PRXL2A: variants seen among roughly 807,000 people sequenced by gnomAD.
PRXL2A encodes the protein peroxiredoxin like 2A.
Under a neutral mutation model 25.6 loss-of-function variants are expected in PRXL2A, and 26 were observed. That is an observed-to-expected ratio of 1.02 (90% CI 0.74 to 1.41). PRXL2A has a LOEUF of 1.41. Among genes scored for constraint, PRXL2A ranks in the 40% most tolerant of loss-of-function variants. The pLI is 0.00. For missense variants in PRXL2A, 246 were observed against 273.9 expected (o/e 0.90, Z 0.72); for synonymous variants, 98 against 102.9 (o/e 0.95, Z 0.29).
rs113996175 is a variant in PRXL2A, at chr10:80,418,470, G to A, written c.-2-1996G>A. On this transcript the variant is annotated intron_variant, in intron 1 of 5. Coordinates refer to ENST00000606162, the MANE Select transcript of PRXL2A (RefSeq NM_032333.5). ...CAACTCACTCCCACCCCCACCTCAT[G>A]CAGTGCACCCCTCACAGCCCCCACC... is the stretch of plus-strand genomic sequence containing the variant. Among the ~76,000 whole-genome samples the A allele has an allele frequency of 3.1e-3, 464 of 148,158 alleles. 3 individuals carry two copies. Among genetic ancestry groups the A allele is most frequent in the African/African-American group, 0.011 (438 of 39,916 alleles).
chr10:80,413,865 A>G (rs1192087784), intron 1 of PRXL2A: 7 of 1,235,406 alleles, frequency 5.7e-6, no homozygotes, highest in Admixed American at 2.6e-5. Flanking sequence ...AGAGGTGTGG[A>G]CGCTGTGTAT....
At chr10:80,427,206 G>A in intron 4 of PRXL2A, 126 bp from the exon 5 acceptor site, 2 of 704,150 alleles carry the variant, frequency 2.8e-6, no homozygotes, top group African/African-American at 1.8e-5. Context: ...GGGTGGGAGA[G>A]AAGACTGGAA....
chr10:80,423,927 A>G (rs998396670), intron 3 of PRXL2A, among the ~76,000 whole-genome samples: 3 of 152,160 alleles, frequency 2.0e-5, no homozygotes, highest in Non-Finnish European at 1.5e-5. Context: ...TCCAGCTGTT[A>G]GAGGCCACCT....
At chr10:80,426,636 A>C (rs137991095) in intron 4 of PRXL2A, among the ~76,000 whole-genome samples, 85 of 152,336 alleles carry the variant, frequency 5.6e-4, no homozygotes, top group African/African-American at 1.9e-3. Context: ...TTGGGGGCCT[A>C]GTACAAAGCC....
At chr10:80,411,367 CGGGCAGTCTT>C (rs1554851607) in intron 1 of PRXL2A, among the ~76,000 whole-genome samples, 1 of 152,250 alleles carries the variant, frequency 6.6e-6, no homozygotes, top group Non-Finnish European at 1.5e-5. Flanking sequence ...GCCCTGTTTA[CGGGCAGTCTT>C]GCTCTTAGCT....
chr10:80,420,104 A>G lies in PRXL2A; in HGVS notation c.-2-362A>G, dbSNP rs1011458195. ...GGCATTGATGAGGAGGGGAATGAGG[A>G]AGTAGTCTGCCTACAGGGGACATAG... is the stretch of plus-strand genomic sequence containing the variant. On this transcript the variant is annotated intron_variant, in intron 1 of 5. Transcript: ENST00000606162. 1.2e-5 allele frequency: 12 copies of G among 991,160 alleles called. No homozygotes were observed. In the African/African-American group the frequency reaches 1.9e-4, roughly 16 times the overall value. 61.4% of individuals were successfully genotyped at this position (991,160 alleles called of 1,614,324 possible).
chr10:80,422,576 A>G, intron 3 of PRXL2A, 68 bp downstream of exon 3: 1 of 1,268,408 alleles, frequency 7.9e-7, no homozygotes, highest in Non-Finnish European at 1.1e-6. Flanking sequence ...TTTTCCGGCC[A>G]GAACCAAGGG....
upstream of PRXL2A, among the ~76,000 whole-genome samples, chr10:80,408,169 TA>T (rs11460235): frequency 0.082 from 11,613 of 141,042 alleles, 607 homozygotes; most frequent in African/African-American, 0.16. Flanking sequence ...CCATGGAGGT[TA>T]AAAAAAAAAA....
chr10:80,409,814 T>C (rs540409804), intron 1 of PRXL2A, among the ~76,000 whole-genome samples: 1 of 152,366 alleles, frequency 6.6e-6, no homozygotes, highest in Admixed American at 6.5e-5. Context: ...GCACCTCCTA[T>C]ACATTTAATC....
chr10:80,408,054 G>A (rs565183705), upstream of PRXL2A: 2 of 152,412 alleles, frequency 1.3e-5, no homozygotes, highest in African/African-American at 2.4e-5. Context: ...TGGCATTGTG[G>A]AGTGAAAGGG....
At chr10:80,422,256 C>G (rs1433877913) in intron 2 of PRXL2A, among the ~76,000 whole-genome samples, 161 bp from the exon 3 acceptor site, 1 of 152,168 alleles carries the variant, frequency 6.6e-6, no homozygotes, top group African/African-American at 2.4e-5. Flanking sequence ...TTCTGTCTGT[C>G]TGTGTTTCCT....
chr10:80,426,980 T>C (rs1845061382), intron 4 of PRXL2A, among the ~76,000 whole-genome samples: 2 of 152,036 alleles, frequency 1.3e-5, no homozygotes, highest in African/African-American at 4.8e-5. Context: ...CTGTCTCTAC[T>C]AAAAATTCAA....
intron 5 of PRXL2A, among the ~76,000 whole-genome samples, 194 bp downstream of exon 5, chr10:80,427,690 C>T (rs1312099355): frequency 6.6e-6 from 1 of 152,188 alleles, no homozygotes; most frequent in Non-Finnish European, 1.5e-5. Context: ...GCTAGTACCT[C>T]ATACTTGAAT....
At chr10:80,428,358 G>A (rs1439601813) in intron 5 of PRXL2A, among the ~76,000 whole-genome samples, 2 of 152,158 alleles carry the variant, frequency 1.3e-5, no homozygotes, top group Non-Finnish European at 2.9e-5. Flanking sequence ...TAGCAGGGAT[G>A]GAGCAAAGTG....
chr10:80,430,194 C>T lies in PRXL2A; in HGVS notation c.577-1792C>T, dbSNP rs184360413. 1.8e-3 allele frequency among the ~76,000 whole-genome samples: 260 copies of T among 147,922 alleles called. 1 individual carries two copies. Among genetic ancestry groups the T allele is most frequent in the Admixed American group, 0.012 (175 of 14,562 alleles). On this transcript the variant is annotated intron_variant, in intron 5 of 5. Transcript: ENST00000606162. ...CAGCTCACTGCAACCTCCACCCCCC[C>T]GGGTTCAAGCGATTCTCCTGCCTCA... is the stretch of plus-strand genomic sequence containing the variant.
intron 3 of PRXL2A, among the ~76,000 whole-genome samples, chr10:80,424,479 G>T (rs1844970751): frequency 6.6e-6 from 1 of 151,166 alleles, no homozygotes; most frequent in Non-Finnish European, 1.5e-5. Flanking sequence ...AGCTTTTCAG[G>T]AGGCCGAGGG....
chr10:80,429,155 C>T (rs1158892425), intron 5 of PRXL2A, among the ~76,000 whole-genome samples: 8 of 152,282 alleles, frequency 5.3e-5, no homozygotes, highest in African/African-American at 1.9e-4. Context: ...CAAGCTCACG[C>T]CTGGCCTGAG....
chr10:80,408,169 T>TAAA (rs11460235), upstream of PRXL2A, among the ~76,000 whole-genome samples: 17 of 141,248 alleles, frequency 1.2e-4, 1 homozygote, highest in South Asian at 1.6e-3. Context: ...CCATGGAGGT[T>TAAA]AAAAAAAAAA....
At chr10:80,415,625 A>AT (rs925926103) in intron 1 of PRXL2A, among the ~76,000 whole-genome samples, 4 of 152,168 alleles carry the variant, frequency 2.6e-5, no homozygotes, top group African/African-American at 7.2e-5. Flanking sequence ...CCCACTTGAT[A>AT]TTTTTTTGTT....
Sources: allele counts gnomAD v4.1 joint callset (sites outside exome capture counted in the v4.1 genomes callset), GRCh38; gene constraint gnomAD v4.1.1; transcripts MANE v1.5; gene names NCBI Gene and HGNC (gene_info 2026-07-23, HGNC 2026-07-21).